TMEM70: variants seen among roughly 807,000 people sequenced by gnomAD.
TMEM70 encodes the protein transmembrane protein 70.
Under a neutral mutation model 20.5 loss-of-function variants are expected in TMEM70, and 15 were observed. The ratio of observed to expected loss-of-function variants is 0.73; its 90% CI spans 0.49 to 1.13. TMEM70 has a LOEUF of 1.13. Ranked by LOEUF, TMEM70 falls within the 50% of genes most tolerant of loss-of-function variation. The probability of loss-of-function intolerance (pLI) is 0.00; values close to 1 mark genes in which losing one functional copy is unlikely to be tolerated. For synonymous variants in TMEM70, 141 were observed against 134.2 expected, an observed-to-expected ratio of 1.05 and a Z score of -0.35; for missense variants, 344 against 331.7, an observed-to-expected ratio of 1.04 and a Z score of -0.29.
rs375946143 is a variant in TMEM70, at chr8:73,976,269, C to A, written c.-13C>A. 133 of 1,597,644 alleles carry A rather than the reference C, an allele frequency of 8.3e-5. No individual in the cohort carries two copies. Among genetic ancestry groups the A allele is most frequent in the Admixed American group, 1.5e-4 (9 of 59,720 alleles). ...TGCAGCTGGGGCGTCCGCAGCCGCT[C>A]GTCACCCGCGTGATGCTGTTTCTGG... On this transcript the variant is annotated 5_prime_UTR_variant, in exon 1 of 3. Coordinates refer to ENST00000312184, the MANE Select transcript of TMEM70 (RefSeq NM_017866.6).
In TMEM70 at chr8:73,981,140, T is replaced by C; in HGVS notation, c.317-15T>C. ...ATTTAAAAGTATTGATCCTCTCTCT[T>C]TTTTTCCCATTTAGGTGTGAAATGT... is the stretch of plus-strand genomic sequence containing the variant. On this transcript the variant is annotated splice_polypyrimidine_tract_variant and intron_variant, in intron 2 of 2. Coordinates refer to ENST00000312184, the MANE Select transcript of TMEM70 (RefSeq NM_017866.6). 1 of 1,597,430 alleles carries C rather than the reference T, an allele frequency of 6.3e-7. No individual in the cohort carries two copies. Among genetic ancestry groups the C allele is most frequent in the South Asian group, 1.1e-5 (1 of 90,744 alleles).
chr8:73,977,376 C>T (rs1000113948), intron 1 of TMEM70, among the ~76,000 whole-genome samples: 4 of 151,728 alleles, frequency 2.6e-5, no homozygotes, highest in African/African-American at 4.8e-5. Context: ...TTAGTAGAGA[C>T]GGGGTTTCAC....
rs61734099 is a variant in TMEM70 at position 73,981,217 on chromosome 8, A to G, written c.379A>G (p.Thr127Ala). The change falls in exon 3 of 3, where the codon ACA (threonine) becomes GCA (alanine). Residue 127 changes from threonine to alanine, a missense_variant. By Grantham distance (58) the Thr-to-Ala change is moderately conservative. Transcript: ENST00000312184. ...CCTTACATTTCTGCCATACATTTTT[A>G]CACAAAATAATGCTATTTCTGAAAG... ...IGLTFLPYIF[T>A]QNNAISESVP... 13,413 of 1,614,150 alleles carry G rather than the reference A, an allele frequency of 8.3e-3. 1,258 individuals carry two copies. The Admixed American group carries it at 0.18, about 22-fold the overall frequency.
In TMEM70 at chr8:73,981,493, C is replaced by A. The variant is rs1404281937; in HGVS notation, c.655C>A (p.Leu219Met). ...FTTFYAKTKS[L>M]LVNPVLFPNR... Reference sequence around the variant, plus strand: ...CACATTTTATGCTAAAACAAAATCACTGTTAGTTAATCCAGTGCTCTTTCC... The same window carrying A: ...CACATTTTATGCTAAAACAAAATCAATGTTAGTTAATCCAGTGCTCTTTCC... Residue 219 changes from leucine to methionine, a missense_variant, in exon 3 of 3, where the codon CTG (leucine) becomes ATG (methionine). Coordinates refer to ENST00000312184, the MANE Select transcript of TMEM70 (RefSeq NM_017866.6). The A allele has an allele frequency of 6.2e-7, 1 of 1,613,938 alleles. No homozygotes were observed. The highest frequency in any genetic ancestry group is 1.1e-5 in the South Asian group (1 of 91,080).
chr8:73,976,417 T>G lies in TMEM70; in HGVS notation c.136T>G (p.Ser46Ala). The change falls in exon 1 of 3, where the codon TCG (serine) becomes GCG (alanine). Residue 46 changes from serine to alanine, a missense_variant. Ser to Ala is a moderately conservative substitution (Grantham distance 99). Coordinates refer to ENST00000312184, the MANE Select transcript of TMEM70 (RefSeq NM_017866.6). ...CCGGGCGTCCTCCAGCAGCGGGCCT[T>G]CGGGGCCGGTAGCCGGCTGGAGTAC... ...VSRASSSSGP[S>A]GPVAGWSTGP... is the part of the protein sequence containing the mutation. 3 of 1,579,178 alleles carry G rather than the reference T, an allele frequency of 1.9e-6. No individual in the cohort carries two copies. The highest frequency in any genetic ancestry group is 2.6e-6 in the Non-Finnish European group (3 of 1,170,308).
In TMEM70 at chr8:73,982,077, T is replaced by G. The variant is rs775732275; in HGVS notation, c.*456T>G. 1.9e-4 allele frequency: 88 copies of G among 470,792 alleles called. No individual in the cohort carries two copies. The highest frequency in any genetic ancestry group is 1.1e-4 in the South Asian group (7 of 65,758). The allele number at this position is 470,792 out of a possible 1,614,324, so 29.2% of individuals were successfully genotyped here. ...TGACTCACTGCTCTTTGCTGTTGCC[T>G]GAGGACCAAGTCTGTCAGGAAGCTG... On this transcript the variant is annotated 3_prime_UTR_variant, in exon 3 of 3. Coordinates refer to ENST00000312184, the MANE Select transcript of TMEM70 (RefSeq NM_017866.6).
In TMEM70 at chr8:73,982,506, G is replaced by C. The variant is rs1815837008; in HGVS notation, c.*885G>C. On this transcript the variant is annotated 3_prime_UTR_variant, in exon 3 of 3. Coordinates refer to ENST00000312184, the MANE Select transcript of TMEM70 (RefSeq NM_017866.6). Reference sequence around the variant, plus strand: ...TGTTTTCATAAATTGATTACCAGTTGTTAAAAAATTTTCAAAAAACCGCAA... The same window carrying C: ...TGTTTTCATAAATTGATTACCAGTTCTTAAAAAATTTTCAAAAAACCGCAA... 3.1e-6 allele frequency: 2 copies of C among 638,304 alleles called. No individual in the cohort carries two copies. The highest frequency in any genetic ancestry group is 5.8e-6 in the Non-Finnish European group (2 of 346,648). The allele number at this position is 638,304 out of a possible 1,614,324, so 39.5% of individuals were successfully genotyped here. A position where few individuals can be genotyped will look rare whatever the true frequency, so the allele number is the denominator to read the frequency against.
rs1349650740 is a variant in TMEM70 at position 73,982,721 on chromosome 8, C to G, written c.*1100C>G. ...CTTAATTTGTTTCTGCAACTGTGCA[C>G]TCCTCCCTTGGTGGCACCCTATGGG... is the stretch of plus-strand genomic sequence containing the variant. On this transcript the variant is annotated 3_prime_UTR_variant, in exon 3 of 3. Transcript: ENST00000312184. 5 of 455,690 alleles carry G rather than the reference C, an allele frequency of 1.1e-5. No homozygotes were observed. The highest frequency in any genetic ancestry group is 2.2e-5 in the Non-Finnish European group (5 of 227,876). The allele number at this position is 455,690 out of a possible 1,614,324, so 28.2% of individuals were successfully genotyped here. A position where few individuals can be genotyped will look rare whatever the true frequency, so the allele number is the denominator to read the frequency against.
At chr8:73,979,258 A>G (rs1815730392) in intron 2 of TMEM70, 1 of 257,876 alleles carries the variant, frequency 3.9e-6, no homozygotes, top group Non-Finnish European at 7.8e-6. Flanking sequence ...TGAACTCCTC[A>G]CTTCAAGTAA....
At chr8:73,979,726 C>T (rs2131234809) in intron 2 of TMEM70, among the ~76,000 whole-genome samples, 1 of 151,938 alleles carries the variant, frequency 6.6e-6, no homozygotes, top group South Asian at 2.1e-4. Flanking sequence ...CCCACCTCAG[C>T]CTCCCAAATA....
intron 2 of TMEM70, among the ~76,000 whole-genome samples, chr8:73,979,635 G>A (rs1815740471): frequency 6.6e-6 from 1 of 151,846 alleles, no homozygotes; most frequent in Admixed American, 6.6e-5. Flanking sequence ...TTTAGAGACA[G>A]GGTCTCTGTC....
Position 73,982,331 on chromosome 8 carries a change from GA to G in TMEM70, c.*712del. ...AATCACTACAAGAAAAACTTACGGT[GA>G]AGGTTCTAAGGCATGGGATCGTTTC... On this transcript the variant is annotated 3_prime_UTR_variant, in exon 3 of 3. Coordinates refer to ENST00000312184, the MANE Select transcript of TMEM70 (RefSeq NM_017866.6). The G allele has an allele frequency of 1.5e-6, 1 of 677,926 alleles. No homozygotes were observed. The highest frequency in any genetic ancestry group is 2.7e-6 in the Non-Finnish European group (1 of 370,234). 42.0% of individuals were successfully genotyped at this position (677,926 alleles called of 1,614,324 possible).
chr8:73,982,049 T>C lies in TMEM70; in HGVS notation c.*428T>C. 2.1e-6 allele frequency: 1 copy of C among 466,970 alleles called. No individual in the cohort carries two copies. Among genetic ancestry groups the C allele is most frequent in the South Asian group, 1.5e-5 (1 of 65,078 alleles). The allele number at this position is 466,970 out of a possible 1,614,324, so 28.9% of individuals were successfully genotyped here. A position where few individuals can be genotyped will look rare whatever the true frequency, so the allele number is the denominator to read the frequency against. On this transcript the variant is annotated 3_prime_UTR_variant, in exon 3 of 3. Coordinates refer to ENST00000312184, the MANE Select transcript of TMEM70 (RefSeq NM_017866.6). Reference sequence around the variant, plus strand: ...GGAGCTGTGGTCCACCTGCTCCTGCTCCTGACTCACTGCTCTTTGCTGTTG... The same window carrying C: ...GGAGCTGTGGTCCACCTGCTCCTGCCCCTGACTCACTGCTCTTTGCTGTTG...
intron 2 of TMEM70, chr8:73,979,183 C>G (rs1461758289): frequency 2.4e-6 from 1 of 416,452 alleles, no homozygotes; most frequent in East Asian, 6.5e-5. Context: ...TATGCACCAC[C>G]ACACTTGGCC....
chr8:73,981,205 C>T lies in TMEM70; in HGVS notation c.367C>T (p.Pro123Ser), dbSNP rs1815786089. 6.8e-6 allele frequency: 11 copies of T among 1,613,930 alleles called. No homozygotes were observed. Among genetic ancestry groups the T allele is most frequent in the Non-Finnish European group, 9.3e-6 (11 of 1,180,012 alleles). ...GAGTCTGATTGGCCTTACATTTCTGCCATACATTTTTACACAAAATAATGC... is the reference window on the plus strand; with the variant it reads ...GAGTCTGATTGGCCTTACATTTCTGTCATACATTTTTACACAAAATAATGC... ...STSLIGLTFL[P>S]YIFTQNNAIS... The change falls in exon 3 of 3, where the codon CCA (proline) becomes TCA (serine). Residue 123 changes from proline (P) to serine (S), a missense_variant. By Grantham distance (74) the Pro-to-Ser change is moderately conservative. Coordinates refer to ENST00000312184, the MANE Select transcript of TMEM70 (RefSeq NM_017866.6).
chr8:73,978,778 A>G lies in TMEM70; in HGVS notation c.233A>G (p.Tyr78Cys), dbSNP rs1432671715. 17 of 1,613,936 alleles carry G rather than the reference A, an allele frequency of 1.1e-5. No individual in the cohort carries two copies. The East Asian group carries it at 3.1e-4, about 30-fold the overall frequency. The stretch of plus-strand genomic sequence containing the variant: ...TAGATCCCTGTTTATTGGGAAGGAT[A>G]TGTTCGATTCTTAAATACGCCATCT... ...RAQIPVYWEG[Y>C]VRFLNTPSDK... The change falls in exon 2 of 3, where the codon TAT becomes TGT. Residue 78 changes from tyrosine (Y) to cysteine (C), a missense_variant. Transcript: ENST00000312184.
Position 73,976,228 on chromosome 8 carries a change from C to G in TMEM70, c.-54C>G, listed in dbSNP as rs779845729. On this transcript the variant is annotated 5_prime_UTR_variant, in exon 1 of 3. Transcript: ENST00000312184. ...GGCAGTCGGGTGGGAAGCCGTGTCT[C>G]GCAGTCGTGGACTCGTGCAGCTGGG... 27 of 1,508,860 alleles carry G rather than the reference C, an allele frequency of 1.8e-5. No homozygotes were observed. Among genetic ancestry groups the G allele is most frequent in the Non-Finnish European group, 7.2e-6 (8 of 1,108,424 alleles). 93.5% of individuals were successfully genotyped at this position (1,508,860 alleles called of 1,614,324 possible).
In TMEM70 at chr8:73,976,357, G is replaced by T. The variant is rs754085867; in HGVS notation, c.76G>T (p.Ala26Ser). Residue 26 changes from alanine to serine, a missense_variant, in exon 1 of 3, where the codon GCC (alanine) becomes TCC (serine). By Grantham distance (99) the Ala-to-Ser change is moderately conservative (BLOSUM62 1). Transcript: ENST00000312184. ...LCGRRTALCAAAALRGPRASV... is the reference protein window; with the variant it reads ...LCGRRTALCASAALRGPRASV... ...CGGAAGGAGGACTGCATTGTGTGCG[G>T]CCGCCGCGCTCCGAGGTCCCCGGGC... The T allele has an allele frequency of 6.3e-7, 1 of 1,599,068 alleles. No homozygotes were observed. Among genetic ancestry groups the T allele is most frequent in the Non-Finnish European group, 8.5e-7 (1 of 1,179,374 alleles).
Position 73,976,230 on chromosome 8 carries a change from C to G in TMEM70, c.-52C>G. 1 of 1,521,586 alleles carries G rather than the reference C, an allele frequency of 6.6e-7. No homozygotes were observed. The highest frequency in any genetic ancestry group is 8.9e-7 in the Non-Finnish European group (1 of 1,118,966). 94.3% of individuals were successfully genotyped at this position (1,521,586 alleles called of 1,614,324 possible). ...CAGTCGGGTGGGAAGCCGTGTCTCG[C>G]AGTCGTGGACTCGTGCAGCTGGGGC... is the stretch of plus-strand genomic sequence containing the variant. On this transcript the variant is annotated 5_prime_UTR_variant, in exon 1 of 3. Transcript: ENST00000312184.
Sources: allele counts gnomAD v4.1 joint callset (sites outside exome capture counted in the v4.1 genomes callset), GRCh38; gene constraint gnomAD v4.1.1; transcripts MANE v1.5; gene names NCBI Gene and HGNC (gene_info 2026-07-23, HGNC 2026-07-21).